The following OCA2 variants were observed in gnomAD, a reference collection of about 807,000 sequenced individuals.
The protein encoded by OCA2 is OCA2 melanosomal transmembrane protein.
A neutral mutation model predicts 100.2 loss-of-function variants in OCA2; 77 were observed. That is an observed-to-expected ratio of 0.77 (90% CI 0.64 to 0.93). OCA2 has a LOEUF of 0.93. Ranked by LOEUF, OCA2 falls within the 40% of genes least tolerant of loss-of-function variation. The pLI, the probability that OCA2 is intolerant of heterozygous loss-of-function variation, is 0.00. For synonymous variants in OCA2, 432 were observed against 439.2 expected (o/e 0.98, Z 0.21); for missense variants, 1,062 against 1,089.1 (o/e 0.98, Z 0.35).
chr15:27,970,185 C>T lies in OCA2; in HGVS notation c.1504-3363G>A, dbSNP rs189200286. On this transcript the variant is annotated intron_variant, in intron 14 of 23. Transcript: ENST00000354638. Reference sequence around the variant, plus strand: ...AGCAAGCTGAAAACGGAGCAAGCCACGGAGGGGATGAGCTTTGCTAGCCAG... The same window carrying T: ...AGCAAGCTGAAAACGGAGCAAGCCATGGAGGGGATGAGCTTTGCTAGCCAG... Among the ~76,000 whole-genome samples the T allele has an allele frequency of 1.5e-3, 223 of 151,708 alleles. 1 individual carries two copies. The highest frequency in any genetic ancestry group is 6.8e-3 in the Middle Eastern group (2 of 294).
chr15:27,754,092 G>A (rs775810946), downstream of OCA2, among the ~76,000 whole-genome samples: 13 of 152,086 alleles, frequency 8.5e-5, no homozygotes, highest in Non-Finnish European at 1.6e-4. Flanking sequence ...GGGCTCCTCC[G>A]GGATATCCAG....
At chr15:27,770,734 C>G (rs976002344) in intron 23 of OCA2, among the ~76,000 whole-genome samples, 2 of 82,994 alleles carry the variant, frequency 2.4e-5, no homozygotes, top group Non-Finnish European at 7.5e-5. Context: ...ACTTCCCTCC[C>G]TTCCTCTTTT....
At position 27,957,751 on chromosome 15, in the gene OCA2, G is replaced by C. The variant is rs751749354; in HGVS notation, c.1637-16C>G. ...TGCTTCAGTTCTGCAGAGAAAGGAA[G>C]GCGAAGCTTGGGTCTCCCATGACCT... On this transcript the variant is annotated splice_polypyrimidine_tract_variant and intron_variant, in intron 15 of 23. Transcript: ENST00000354638. The surrounding 1 kb of genome is among the most constrained non-coding windows in gnomAD (Gnocchi z 4.3). 1.2e-5 allele frequency: 19 copies of C among 1,612,894 alleles called. No homozygotes were observed. Among genetic ancestry groups the C allele is most frequent in the Non-Finnish European group, 1.6e-5 (19 of 1,180,006 alleles).
At chr15:27,897,382 C>T (rs770891374) in intron 19 of OCA2, among the ~76,000 whole-genome samples, 4 of 152,052 alleles carry the variant, frequency 2.6e-5, no homozygotes, top group African/African-American at 7.2e-5. Flanking sequence ...CACCTCCCTG[C>T]TCTGTGCAGC....
intron 23 of OCA2, among the ~76,000 whole-genome samples, chr15:27,816,932 T>A (rs577212849): frequency 2.0e-5 from 3 of 152,272 alleles, no homozygotes; most frequent in African/African-American, 7.2e-5. Flanking sequence ...GATGGGCTGA[T>A]CACACCCAGC....
chr15:27,725,176 C>T, the OCA2 span, among the ~76,000 whole-genome samples: 1 of 152,196 alleles, frequency 6.6e-6, no homozygotes, highest in Non-Finnish European at 1.5e-5. Flanking sequence ...GCCACACATA[C>T]AGGAGCCAAC....
At chr15:27,983,572 T>A in intron 13 of OCA2, 89 bp from the exon 14 acceptor site, 1 of 1,435,192 alleles carries the variant, frequency 7.0e-7, no homozygotes, top group Non-Finnish European at 9.8e-7. Flanking sequence ...AGGCGCTTGC[T>A]CGTATAAGGG....
At chr15:28,004,900 C>T (rs2042044501) in intron 9 of OCA2, among the ~76,000 whole-genome samples, 1 of 152,140 alleles carries the variant, frequency 6.6e-6, no homozygotes, top group Admixed American at 6.5e-5. Flanking sequence ...CCCACACTCT[C>T]ACGGCAGCCC....
At chr15:28,086,002 A>G (rs781342759) in intron 1 of OCA2, among the ~76,000 whole-genome samples, 26 of 152,176 alleles carry the variant, frequency 1.7e-4, no homozygotes, top group Non-Finnish European at 3.1e-4. Flanking sequence ...TCCAAAGGCT[A>G]TTACACAGTG....
intron 9 of OCA2, among the ~76,000 whole-genome samples, chr15:28,003,075 CG>C (rs2041977197): frequency 6.6e-6 from 1 of 152,228 alleles, no homozygotes; most frequent in Non-Finnish European, 1.5e-5. Flanking sequence ...TGTGGGCCTG[CG>C]GGTCCGCGTC....
rs1263195991 is a variant in OCA2, at chr15:27,990,588, AGCCAGTGCT to A, written c.1095_1103del (p.Ala366_Ala368del). On this transcript the variant is annotated inframe_deletion, in exon 10 of 24. Coordinates refer to ENST00000354638, the MANE Select transcript of OCA2 (RefSeq NM_000275.3). ...TGTGACAACTTACATCGCCAATCAC[AGCCAGTGCT>A]GCCAGTGCTGCAAGGGAACCCAGCA... The A allele has an allele frequency of 2.5e-6, 4 of 1,613,970 alleles. No individual in the cohort carries two copies. The highest frequency in any genetic ancestry group is 2.7e-5 in the African/African-American group (2 of 74,946).
intron 9 of OCA2, 79 bp from the exon 10 acceptor site, chr15:27,990,726 G>T: frequency 8.2e-7 from 1 of 1,223,702 alleles, no homozygotes. Flanking sequence ...TGGACATGAG[G>T]GGGTCTATAT....
chr15:28,091,611 A>G (rs1442866013), intron 1 of OCA2, among the ~76,000 whole-genome samples: 1 of 152,220 alleles, frequency 6.6e-6, no homozygotes, highest in Non-Finnish European at 1.5e-5. Flanking sequence ...TGTCCACACA[A>G]AAATGTGTAC....
At chr15:27,720,840 T>C in the OCA2 span, among the ~76,000 whole-genome samples, 1 of 152,202 alleles carries the variant, frequency 6.6e-6, no homozygotes, top group Non-Finnish European at 1.5e-5. Context: ...AAGTACACTC[T>C]TACTCACCAT....
intron 6 of OCA2, among the ~76,000 whole-genome samples, chr15:28,021,777 G>C (rs2042601130): frequency 6.6e-6 from 1 of 152,184 alleles, no homozygotes; most frequent in Non-Finnish European, 1.5e-5. Flanking sequence ...AGAGGGCGCA[G>C]TGGGAATTCC....
intron 19 of OCA2, chr15:27,895,891 G>C: frequency 5.2e-6 from 3 of 580,128 alleles, no homozygotes; most frequent in Non-Finnish European, 9.4e-6. Context: ...TTATTTATCA[G>C]GTTGCTTATG....
At chr15:27,855,894 G>A (rs994738203) in intron 21 of OCA2, among the ~76,000 whole-genome samples, 2 of 152,206 alleles carry the variant, frequency 1.3e-5, no homozygotes, top group African/African-American at 4.8e-5. Flanking sequence ...GGAACTGTCT[G>A]AAGCTACTGT....
rs146432807 is a variant in OCA2, at chr15:27,798,221, C to T, written c.2433-42749G>A. Among the ~76,000 whole-genome samples the T allele has an allele frequency of 1.6e-3, 243 of 152,302 alleles. 2 individuals carry two copies. The highest frequency in any genetic ancestry group is 5.7e-3 in the African/African-American group (236 of 41,564). On this transcript the variant is annotated intron_variant, in intron 23 of 23. Coordinates refer to ENST00000354638, the MANE Select transcript of OCA2 (RefSeq NM_000275.3). ...AGGAAGAGGAAGGGCCAGGCTATGA[C>T]CAATCGTCTTGCTTCCTCTTCTTGG...
intron 23 of OCA2, among the ~76,000 whole-genome samples, chr15:27,795,167 G>C (rs749032695): frequency 3.3e-5 from 5 of 152,000 alleles, no homozygotes; most frequent in Non-Finnish European, 5.9e-5. Flanking sequence ...CTTCAATCTG[G>C]GTGAAAAGAG....
Sources: gnomAD v4.1 joint callset for allele counts (sites outside exome capture counted in the v4.1 genomes callset) on GRCh38, gnomAD v4.1.1 for gene constraint, Gnocchi (gnomAD v3.1) non-coding constraint, MANE v1.5 for transcripts, NCBI Gene and HGNC (gene_info 2026-07-23, HGNC 2026-07-21) for gene names.